The following PIK3R5 variants were observed in gnomAD, a reference collection of about 807,000 sequenced individuals.
The protein encoded by PIK3R5 is phosphoinositide-3-kinase regulatory subunit 5.
In PIK3R5, 32 loss-of-function variants were observed where a neutral mutation model predicts 94.9. The observed-to-expected ratio is 0.34, with a 90% confidence interval of 0.25 to 0.45. The LOEUF (loss-of-function observed/expected upper bound fraction) is 0.45, where lower values mean the gene tolerates loss of function less well. Ranked by LOEUF, PIK3R5 falls within the 20% of genes least tolerant of loss-of-function variation. PIK3R5 has a pLI of 1.00. For missense variants in PIK3R5, 853 were observed against 1,144.6 expected (o/e 0.75, Z 3.68); for synonymous variants, 443 against 479.4 (o/e 0.92, Z 0.99).
At chr17:8,951,260 T>C (rs771546633) in intron 1 of PIK3R5, among the ~76,000 whole-genome samples, 13 of 152,222 alleles carry the variant, frequency 8.5e-5, no homozygotes, top group Admixed American at 1.3e-4. Context: ...GTTGTGTGTG[T>C]ACAGTTTTGT....
intron 6 of PIK3R5, among the ~76,000 whole-genome samples, chr17:8,891,765 T>C (rs2090030565): frequency 7.8e-6 from 1 of 128,948 alleles, no homozygotes; most frequent in Admixed American, 7.3e-5. Context: ...CCCAGCTAAC[T>C]TTTTTTTTTT....
Position 8,884,654 on chromosome 17 carries a change from G to C in PIK3R5, c.2205+53C>G, listed in dbSNP as rs1172839586. The C allele has an allele frequency of 1.4e-6, 2 of 1,411,178 alleles. No individual in the cohort carries two copies. Among genetic ancestry groups the C allele is most frequent in the Admixed American group, 3.4e-5 (2 of 58,588 alleles). 87.4% of individuals were successfully genotyped at this position (1,411,178 alleles called of 1,614,324 possible). On this transcript the variant is annotated intron_variant, in intron 15 of 18. Transcript: ENST00000447110. The surrounding 1 kb of genome is among the most constrained non-coding windows in gnomAD (Gnocchi z 5.8). ...AGCTCTGGGTCCAAGCTCTGGCGGA[G>C]GAAGTATCAGCAGCAGATCCTGGAG...
chr17:8,958,760 CTT>C (rs551580901), intron 1 of PIK3R5, among the ~76,000 whole-genome samples: 2 of 144,034 alleles, frequency 1.4e-5, no homozygotes. Context: ...TTCTCTCTCT[CTT>C]TTTTTTTTTT....
rs1473662699 is a variant in PIK3R5, at chr17:8,909,133, T to C, written c.145A>G (p.Ser49Gly). 2 of 1,608,138 alleles carry C rather than the reference T, an allele frequency of 1.2e-6. No homozygotes were observed. Among genetic ancestry groups the C allele is most frequent in the South Asian group, 1.1e-5 (1 of 90,008 alleles). ...LNCWSLQELV[S>G]RDPGHFLILL... ...ATAAGGAAGTGGCCCGGGTCCCTGC[T>C]GACCAGCTCCTGCAGGCTCCAGCAG... The change falls in exon 3 of 19, where the codon AGC (serine) becomes GGC (glycine). Residue 49 changes from serine to glycine, a missense_variant. Transcript: ENST00000447110. The surrounding 1 kb of genome is among the most constrained non-coding windows in gnomAD (Gnocchi z 4.3).
chr17:8,888,998 T>A lies in PIK3R5; in HGVS notation c.896-107A>T. The stretch of plus-strand genomic sequence containing the variant: ...GGACTCAGGGCCAGCCCAGGACTCC[T>A]AGCACTGCCCCCTTGCTCTGCTTAG... On this transcript the variant is annotated intron_variant, in intron 9 of 18. Transcript: ENST00000447110. This position sits in a 1 kb window ranked among gnomAD's most constrained non-coding sequence, Gnocchi z 7.8. The A allele has an allele frequency of 6.6e-7, 1 of 1,521,520 alleles. No homozygotes were observed. Among genetic ancestry groups the A allele is most frequent in the South Asian group, 1.3e-5 (1 of 78,688 alleles). The allele number at this position is 1,521,520 out of a possible 1,614,324, so 94.3% of individuals were successfully genotyped here.
At chr17:8,961,528 G>A (rs550749463) in intron 1 of PIK3R5, among the ~76,000 whole-genome samples, 14 of 152,226 alleles carry the variant, frequency 9.2e-5, no homozygotes, top group African/African-American at 2.9e-4. Flanking sequence ...CCAGCTACTC[G>A]GGAGGCTGAG....
intron 15 of PIK3R5, among the ~76,000 whole-genome samples, chr17:8,883,681 T>C (rs2089737763): frequency 6.6e-6 from 1 of 152,222 alleles, no homozygotes; most frequent in Admixed American, 6.5e-5. Context: ...CCTGACTGGG[T>C]TCGGTTTGCC....
rs557805495 is a variant in PIK3R5, at chr17:8,908,362, C to T, written c.204+712G>A. ...TCCATTTGGGTTTATATGTTATGCG[C>T]TCCAGAGGTGGTTCAGCTCTTCTGA... On this transcript the variant is annotated intron_variant, in intron 3 of 18. Transcript: ENST00000447110. Among the ~76,000 whole-genome samples the T allele has an allele frequency of 7.5e-3, 1,145 of 152,232 alleles. 9 individuals are homozygous for T. The highest frequency in any genetic ancestry group is 0.022 in the African/African-American group (922 of 41,540).
intron 1 of PIK3R5, among the ~76,000 whole-genome samples, chr17:8,949,101 T>C (rs2091329535): frequency 6.6e-6 from 1 of 152,100 alleles, no homozygotes; most frequent in Non-Finnish European, 1.5e-5. Context: ...ATGGTTCCTT[T>C]AGGGAAATGC....
chr17:8,912,769 A>T (rs575757128), intron 1 of PIK3R5, among the ~76,000 whole-genome samples: 1 of 152,374 alleles, frequency 6.6e-6, no homozygotes, highest in Admixed American at 6.5e-5. Flanking sequence ...CGGCTAGAGT[A>T]TTCAGCTTAC....
rs1480017608 is a variant in PIK3R5 at position 8,921,956 on chromosome 17, G to T, written c.-13-10449C>A. Among the ~76,000 whole-genome samples, 4 of 152,244 alleles carry T rather than the reference G, an allele frequency of 2.6e-5. No homozygotes were observed. The East Asian group carries it at 7.7e-4, about 29-fold the overall frequency. On this transcript the variant is annotated intron_variant, in intron 1 of 18. Coordinates refer to ENST00000447110, the MANE Select transcript of PIK3R5 (RefSeq NM_001142633.3). ...AAATTTAAAACTCTGTGCATTAAAG[G>T]ATACAATCAACAGAGTGAAAAGGCA... is the stretch of plus-strand genomic sequence containing the variant.
At chr17:8,886,731 G>T in intron 12 of PIK3R5, 126 bp from the exon 13 acceptor site, 1 of 1,136,524 alleles carries the variant, frequency 8.8e-7, no homozygotes, top group Non-Finnish European at 1.2e-6. Flanking sequence ...AGCTGGTGAG[G>T]TGGAAGCAGG....
At chr17:8,961,805 A>G (rs2091570954) in intron 1 of PIK3R5, among the ~76,000 whole-genome samples, 2 of 152,160 alleles carry the variant, frequency 1.3e-5, no homozygotes, top group Middle Eastern at 6.8e-3. Context: ...AGAAGACTCA[A>G]GAAGGACCCA....
At position 8,881,368 on chromosome 17, in the gene PIK3R5, C is replaced by T. The variant is rs1484171635; in HGVS notation, c.2382+262G>A. 6.6e-6 allele frequency among the ~76,000 whole-genome samples: 1 copy of T among 152,036 alleles called. No individual in the cohort carries two copies. The highest frequency in any genetic ancestry group is 1.5e-5 in the Non-Finnish European group (1 of 67,990). On this transcript the variant is annotated intron_variant, in intron 17 of 18. Transcript: ENST00000447110. The surrounding 1 kb of genome is among the most constrained non-coding windows in gnomAD (Gnocchi z 4.8). ...CCACCCCACAACTTTTCCACATACA[C>T]GCGTCCTCTCACAGGGCACCCCTAC...
rs2089629977 is a variant in PIK3R5 at position 8,880,646 on chromosome 17, A to G, written c.2636T>C (p.Leu879Pro). The change falls in exon 19 of 19, where the codon CTG (leucine) becomes CCG (proline). Residue 879 changes from leucine (L) to proline (P), a missense_variant. Leu to Pro is a moderately conservative substitution (Grantham distance 98). Transcript: ENST00000447110. ...TCTGGCGCTGGGCCCACACTAGGGC[A>G]GAGCTCCACTGAAAGTCATGATGGG... ...CLPIMTFSGA[L>P]P The G allele has an allele frequency of 6.2e-7, 1 of 1,608,490 alleles. No homozygotes were observed. The highest frequency in any genetic ancestry group is 8.5e-7 in the Non-Finnish European group (1 of 1,177,536).
At position 8,887,096 on chromosome 17, in the gene PIK3R5, C is replaced by G; in HGVS notation, c.1905G>C (p.Gln635His). The G allele has an allele frequency of 6.2e-7, 1 of 1,613,952 alleles. No individual in the cohort carries two copies. Among genetic ancestry groups the G allele is most frequent in the Non-Finnish European group, 8.5e-7 (1 of 1,179,978 alleles). ...GTTCCGCAACCACGGGGCCACTTAC[C>G]TGGCACAGGACTTCAGGGGGCAGGT... ...LMHLPPEVLC[Q>H]QSLKAEAQAL... Residue 635 changes from glutamine (Q) to histidine (H), a missense_variant and splice_region_variant, in exon 12 of 19, where the codon CAG (glutamine) becomes CAC (histidine). By Grantham distance (24) the Gln-to-His change is conservative (BLOSUM62 0). This residue lies in a region of PIK3R5 where 173 missense variants were observed against 274.1 expected (regional missense o/e 0.63). Coordinates refer to ENST00000447110, the MANE Select transcript of PIK3R5 (RefSeq NM_001142633.3).
At chr17:8,964,002 C>T (rs1200367403) in intron 1 of PIK3R5, among the ~76,000 whole-genome samples, 1 of 152,172 alleles carries the variant, frequency 6.6e-6, no homozygotes, top group Non-Finnish European at 1.5e-5. Flanking sequence ...CACACCACCA[C>T]AGCCACAACG....
intron 1 of PIK3R5, among the ~76,000 whole-genome samples, chr17:8,936,873 GTCTT>G: frequency 6.6e-6 from 1 of 152,296 alleles, no homozygotes; most frequent in Non-Finnish European, 1.5e-5. Context: ...ACAATAGTGA[GTCTT>G]TCTATACATG....
chr17:8,906,564 T>G (rs2090401008), intron 3 of PIK3R5, among the ~76,000 whole-genome samples: 1 of 152,200 alleles, frequency 6.6e-6, no homozygotes, highest in Admixed American at 6.5e-5. Context: ...CTTTCTTATC[T>G]TCTTTGAAGC....
Sources: gnomAD v4.1 joint callset for allele counts (sites outside exome capture counted in the v4.1 genomes callset) on GRCh38, gnomAD v4.1.1 for gene constraint, gnomAD v4.1.1 regional missense constraint, Gnocchi (gnomAD v3.1) non-coding constraint, MANE v1.5 for transcripts, NCBI Gene and HGNC (gene_info 2026-07-23, HGNC 2026-07-21) for gene names.